Variants in STK24 observed in about 807,000 individuals in gnomAD.
STK24 encodes serine/threonine kinase 24, also known as serine/threonine-protein kinase 24.
A neutral mutation model predicts 55.6 loss-of-function variants in STK24; 21 were observed. That is an observed-to-expected ratio of 0.38 (90% CI 0.27 to 0.54). STK24 has a LOEUF of 0.54. Ranked by LOEUF, STK24 falls within the 20% of genes least tolerant of loss-of-function variation. STK24 has a pLI of 0.79. For missense variants in STK24, 383 were observed against 538.4 expected (o/e 0.71, Z 2.86); for synonymous variants, 200 against 215.2 (o/e 0.93, Z 0.62).
At chr13:98,493,905 C>T (rs1286131297) in intron 2 of STK24, among the ~76,000 whole-genome samples, 5 of 147,646 alleles carry the variant, frequency 3.4e-5, no homozygotes, top group African/African-American at 1.0e-4. Context: ...TGCAGTGGTG[C>T]GATCTTGGCT....
intron 1 of STK24, among the ~76,000 whole-genome samples, chr13:98,524,195 C>T (rs142702728): frequency 2.0e-5 from 3 of 152,060 alleles, no homozygotes; most frequent in Non-Finnish European, 4.4e-5. Flanking sequence ...TGGATTGTTA[C>T]AATAATGGCA....
intron 1 of STK24, among the ~76,000 whole-genome samples, chr13:98,567,931 T>A: frequency 8.7e-6 from 1 of 115,312 alleles, no homozygotes; most frequent in Admixed American, 9.5e-5. Flanking sequence ...AGGTAGTGGT[T>A]TAAAAAAAAA....
chr13:98,516,614 G>A (rs1763699917), intron 2 of STK24, among the ~76,000 whole-genome samples: 1 of 152,158 alleles, frequency 6.6e-6, no homozygotes, highest in African/African-American at 2.4e-5. Flanking sequence ...GTCCAGGCCT[G>A]GGCACATAAA....
At chr13:98,467,870 C>A (rs1353729901) in intron 5 of STK24, among the ~76,000 whole-genome samples, 3 of 152,076 alleles carry the variant, frequency 2.0e-5, no homozygotes, top group Admixed American at 6.5e-5. Context: ...GGACAGAGGC[C>A]GACAATGAGG....
chr13:98,521,345 T>C (rs1443672776), intron 1 of STK24, among the ~76,000 whole-genome samples: 1 of 152,204 alleles, frequency 6.6e-6, no homozygotes, highest in Non-Finnish European at 1.5e-5. Context: ...ATGACGGTCA[T>C]ACTTAGGAGG....
chr13:98,462,018 C>T (rs903784682), intron 7 of STK24, 121 bp from the exon 8 acceptor site: 152 of 1,201,804 alleles, frequency 1.3e-4, no homozygotes, highest in Middle Eastern at 2.8e-4. Flanking sequence ...CCCAAGTCCC[C>T]ACCCATCACA....
intron 2 of STK24, among the ~76,000 whole-genome samples, chr13:98,485,944 C>T (rs1277223669): frequency 1.3e-5 from 2 of 152,176 alleles, no homozygotes; most frequent in African/African-American, 4.8e-5. Flanking sequence ...ACGCCAGCCA[C>T]TAAGACAGCA....
chr13:98,576,510 C>T (rs1320520353), intron 1 of STK24, among the ~76,000 whole-genome samples: 1 of 152,088 alleles, frequency 6.6e-6, no homozygotes, highest in African/African-American at 2.4e-5. Context: ...CACATCCGGA[C>T]CCAGGCCGCG....
chr13:98,475,086 C>T (rs1220842174), intron 4 of STK24, 108 bp from the exon 5 acceptor site: 4 of 1,458,468 alleles, frequency 2.7e-6, no homozygotes, highest in Non-Finnish European at 3.7e-6. Context: ...CGAGCACAGG[C>T]ACCGGGGCTA....
intron 3 of STK24, among the ~76,000 whole-genome samples, chr13:98,477,241 A>G (rs917096220): frequency 6.6e-6 from 1 of 152,236 alleles, no homozygotes; most frequent in African/African-American, 2.4e-5. Flanking sequence ...GAATGTAGAA[A>G]TTTTAATTTT....
intron 1 of STK24, among the ~76,000 whole-genome samples, chr13:98,574,891 T>C (rs544641250): frequency 2.0e-5 from 3 of 152,092 alleles, no homozygotes; most frequent in Non-Finnish European, 4.4e-5. Flanking sequence ...AGATACTAGA[T>C]ATCACCTGGT....
chr13:98,488,775 T>C (rs915845022), intron 2 of STK24, among the ~76,000 whole-genome samples: 3 of 151,998 alleles, frequency 2.0e-5, no homozygotes, highest in Non-Finnish European at 4.4e-5. Context: ...TCACAGGAGC[T>C]TGGCAGAGGT....
chr13:98,481,418 C>T (rs1418246650), intron 3 of STK24, among the ~76,000 whole-genome samples: 2 of 152,204 alleles, frequency 1.3e-5, no homozygotes, highest in East Asian at 3.9e-4. Flanking sequence ...TGGTGCGGGC[C>T]AGCCCCACCT....
chr13:98,539,834 A>G (rs1361420399), intron 1 of STK24, among the ~76,000 whole-genome samples: 1 of 152,186 alleles, frequency 6.6e-6, no homozygotes, highest in East Asian at 1.9e-4. Context: ...CTCCAAGGGG[A>G]AACAAAAAAC....
chr13:98,550,923 G>A (rs1897142729), intron 1 of STK24, among the ~76,000 whole-genome samples: 1 of 151,792 alleles, frequency 6.6e-6, no homozygotes, highest in Admixed American at 6.6e-5. Context: ...ATCAACTTCT[G>A]AATTAAGTTG....
rs138036309 is a variant in STK24, at chr13:98,499,582, G to A, written c.274-17261C>T. 9.2e-5 allele frequency among the ~76,000 whole-genome samples: 14 copies of A among 152,286 alleles called. No individual in the cohort carries two copies. The East Asian group carries it at 1.5e-3, about 17-fold the overall frequency. ...CATTTCAGGGGTGGGGTGCGTCATC[G>A]CTTCCCTGTGTGGATCTGAGAAGGA... On this transcript the variant is annotated intron_variant, in intron 2 of 10. Transcript: ENST00000539966.
At position 98,448,986 on chromosome 13, in the gene STK24, T is replaced by C. The variant is rs2139198013; in HGVS notation, c.*4187A>G. 6.6e-6 allele frequency: 1 copy of C among 152,350 alleles called. No homozygotes were observed. The highest frequency in any genetic ancestry group is 6.5e-5 in the Admixed American group (1 of 15,308). The allele number at this position is 152,350 out of a possible 1,614,324, so 9.4% of individuals were successfully genotyped here. A position where few individuals can be genotyped will look rare whatever the true frequency, so the allele number is the denominator to read the frequency against. On this transcript the variant is annotated 3_prime_UTR_variant, in exon 11 of 11. Transcript: ENST00000539966. The stretch of plus-strand genomic sequence containing the variant: ...CCAAATCGTTTTAAGTGGTAACTCT[T>C]TCCAACCGTAGCAGGGTTGTTTTCT...
At chr13:98,469,990 G>T (rs1183015429) in intron 5 of STK24, among the ~76,000 whole-genome samples, 1 of 152,200 alleles carries the variant, frequency 6.6e-6, no homozygotes, top group Admixed American at 6.5e-5. Flanking sequence ...TTCAACAGCA[G>T]CATTACTTAT....
chr13:98,456,996 T>C (rs1018678391), intron 10 of STK24, 172 bp downstream of exon 10: 30 of 806,234 alleles, frequency 3.7e-5, no homozygotes, highest in African/African-American at 1.6e-4. Context: ...TTCATTCACA[T>C]TGATTTCTAG....
Sources: allele counts gnomAD v4.1 joint callset (sites outside exome capture counted in the v4.1 genomes callset), GRCh38; gene constraint gnomAD v4.1.1; transcripts MANE v1.5; gene names NCBI Gene and HGNC (gene_info 2026-07-23, HGNC 2026-07-21).